The following CCDC91 variants were observed in gnomAD, a reference collection of about 807,000 sequenced individuals.
CCDC91 encodes coiled-coil domain containing 91.
CCDC91 carries 48 observed loss-of-function variants against 63.2 expected under a neutral mutation model. The observed-to-expected ratio is 0.76, with a 90% CI of 0.60 to 0.97. The LOEUF (loss-of-function observed/expected upper bound fraction) is 0.97. Among genes scored for constraint, CCDC91 ranks in the 50% least tolerant of loss-of-function variants. CCDC91 has a pLI of 0.00. For synonymous variants in CCDC91, 167 were observed against 165.8 expected (o/e 1.01, Z -0.06); for missense variants, 500 against 494.6 (o/e 1.01, Z -0.10).
At chr12:28,280,002 A>G (rs1422149465) in intron 3 of CCDC91, among the ~76,000 whole-genome samples, 2 of 152,076 alleles carry the variant, frequency 1.3e-5, no homozygotes, top group African/African-American at 2.4e-5. Context: ...TCATTTGAGT[A>G]GTTGAGAATA....
At chr12:28,472,860 A>G (rs1950890511) in intron 11 of CCDC91, among the ~76,000 whole-genome samples, 1 of 152,188 alleles carries the variant, frequency 6.6e-6, no homozygotes, top group Admixed American at 6.5e-5. Flanking sequence ...TTGGAAATAC[A>G]GAAGCTTCCT....
intron 1 of CCDC91, among the ~76,000 whole-genome samples, chr12:28,193,534 G>C (rs990183153): frequency 6.6e-6 from 1 of 151,904 alleles, no homozygotes; most frequent in Non-Finnish European, 1.5e-5. Context: ...CAGGGAGTCG[G>C]AGGTTACAGT....
chr12:28,458,252 A>G (rs1322978266), intron 11 of CCDC91, among the ~76,000 whole-genome samples: 2 of 151,998 alleles, frequency 1.3e-5, no homozygotes, highest in Non-Finnish European at 2.9e-5. Context: ...TGATAATAAA[A>G]TCATAATGAC....
rs866258019 is a variant in CCDC91, at chr12:28,245,267, C to T, written c.-14-11935C>T. Among the ~76,000 whole-genome samples the T allele has an allele frequency of 1.3e-3, 196 of 151,432 alleles. 1 individual carries two copies. The highest frequency in any genetic ancestry group is 4.7e-3 in the African/African-American group (192 of 41,288). ...TGATAAAGATGGCTTATCAGATTAGCAAGGAAAGAAGTTATTGTATAATAA... is the reference window on the plus strand; with the variant it reads ...TGATAAAGATGGCTTATCAGATTAGTAAGGAAAGAAGTTATTGTATAATAA... On this transcript the variant is annotated intron_variant, in intron 1 of 12. Transcript: ENST00000536442.
intron 12 of CCDC91, among the ~76,000 whole-genome samples, chr12:28,524,488 T>G (rs1941069864): frequency 6.6e-6 from 1 of 152,168 alleles, no homozygotes; most frequent in African/African-American, 2.4e-5. Flanking sequence ...GATATGTTGT[T>G]GGATTCAGTT....
chr12:28,482,173 C>G (rs1018587027), intron 11 of CCDC91, among the ~76,000 whole-genome samples: 2 of 151,760 alleles, frequency 1.3e-5, no homozygotes, highest in African/African-American at 4.8e-5. Context: ...TTTCAGAGAG[C>G]TTAGTATGTA....
At chr12:28,382,882 T>C (rs1335641099) in intron 7 of CCDC91, among the ~76,000 whole-genome samples, 1 of 152,112 alleles carries the variant, frequency 6.6e-6, no homozygotes, top group Non-Finnish European at 1.5e-5. Context: ...CCTTTCCTTT[T>C]TTTAAACTGA....
At chr12:28,349,309 A>G (rs927328435) in intron 6 of CCDC91, among the ~76,000 whole-genome samples, 70 of 152,092 alleles carry the variant, frequency 4.6e-4, no homozygotes, top group African/African-American at 1.7e-3. Flanking sequence ...TCTTTTATTT[A>G]GGAATAGGGC....
intron 11 of CCDC91, among the ~76,000 whole-genome samples, chr12:28,457,196 T>A (rs752983364): frequency 1.3e-5 from 2 of 152,006 alleles, no homozygotes; most frequent in Non-Finnish European, 2.9e-5. Context: ...CCAGCCTAGA[T>A]GCAGAAGTCA....
At chr12:28,337,099 C>G (rs74451691) in intron 6 of CCDC91, among the ~76,000 whole-genome samples, 1,616 of 152,138 alleles carry the variant, frequency 0.011, 36 homozygotes, top group African/African-American at 0.037. Context: ...AGTAGCTTTT[C>G]CATCCAGGTC....
intron 7 of CCDC91, among the ~76,000 whole-genome samples, chr12:28,381,432 G>T (rs1945291025): frequency 6.6e-6 from 1 of 152,148 alleles, no homozygotes; most frequent in South Asian, 2.1e-4. Context: ...AAATTGAAAA[G>T]ATATAGAATT....
intron 12 of CCDC91, among the ~76,000 whole-genome samples, chr12:28,502,380 G>A (rs1938034837): frequency 6.6e-6 from 1 of 151,884 alleles, no homozygotes. Flanking sequence ...TACAAGGGAT[G>A]TGAAGGACCT....
rs1480360258 is a variant in CCDC91, at chr12:28,386,610, G to A, written c.655-4694G>A. On this transcript the variant is annotated intron_variant, in intron 7 of 12. Coordinates refer to ENST00000536442, the MANE Select transcript of CCDC91 (RefSeq NM_018318.5). ...TCTCGAACTGCCAACATCGTGATCC[G>A]CCCGCCTCGGCCTCCCAAAGTACTG... 4.6e-5 allele frequency among the ~76,000 whole-genome samples: 7 copies of A among 152,160 alleles called. No individual in the cohort carries two copies. In the East Asian group the frequency reaches 5.8e-4, roughly 13 times the overall value.
At chr12:28,381,737 A>G (rs745759907) in intron 7 of CCDC91, among the ~76,000 whole-genome samples, 17 of 152,110 alleles carry the variant, frequency 1.1e-4, no homozygotes, top group Non-Finnish European at 2.2e-4. Flanking sequence ...TAACAACCCA[A>G]TCTGAGCTGT....
At chr12:28,359,782 C>CTTTCTTTTTTTTTTTTTTTTTTTT (rs1565853546) in intron 6 of CCDC91, among the ~76,000 whole-genome samples, 19 of 151,952 alleles carry the variant, frequency 1.3e-4, no homozygotes, top group African/African-American at 4.4e-4. Flanking sequence ...CAGAATATTT[C>CTTTCTTTTTTTTTTTTTTTTTTTT]TATTTACTTT....
intron 7 of CCDC91, among the ~76,000 whole-genome samples, chr12:28,370,038 A>G (rs1944517266): frequency 6.6e-6 from 1 of 152,204 alleles, no homozygotes; most frequent in African/African-American, 2.4e-5. Context: ...ACATCTTCCC[A>G]CTGTTTTGGC....
chr12:28,320,279 A>G (rs1048677053), intron 6 of CCDC91, among the ~76,000 whole-genome samples: 2 of 151,838 alleles, frequency 1.3e-5, no homozygotes, highest in Admixed American at 1.3e-4. Context: ...GCTATGTTTT[A>G]TCTTCTTTGC....
At chr12:28,210,264 A>G (rs1486450399) in intron 1 of CCDC91, among the ~76,000 whole-genome samples, 1 of 152,164 alleles carries the variant, frequency 6.6e-6, no homozygotes, top group Non-Finnish European at 1.5e-5. Context: ...GTATATCTTT[A>G]TTTTTGCCAA....
chr12:28,409,044 G>A (rs1053420636), intron 8 of CCDC91, among the ~76,000 whole-genome samples: 1 of 152,104 alleles, frequency 6.6e-6, no homozygotes, highest in African/African-American at 2.4e-5. Flanking sequence ...AAGTATAAAA[G>A]GATGTTGTTG....
Sources: allele counts gnomAD v4.1 joint callset (sites outside exome capture counted in the v4.1 genomes callset), GRCh38; gene constraint gnomAD v4.1.1; transcripts MANE v1.5; gene names NCBI Gene and HGNC (gene_info 2026-07-23, HGNC 2026-07-21).